Variants in PCDHB15 observed in about 807,000 individuals in gnomAD.
The protein encoded by PCDHB15 is protocadherin beta 15.
For synonymous variants in PCDHB15, 492 were observed against 447.9 expected (o/e 1.10, Z -1.24); for missense variants, 1,032 against 991.7 (o/e 1.04, Z -0.55).
rs782778545 is a variant in PCDHB15 at position 141,247,285 on chromosome 5, C to T, written c.1707C>T (p.Ser569=). 3.7e-6 allele frequency: 6 copies of T among 1,610,292 alleles called. No homozygotes were observed. In the South Asian group the frequency reaches 6.6e-5, roughly 18 times the overall value. ...TGCTGTACCCGCTGCAGAACGGCTC[C>T]GCGCCCTGCACCGAGCTGGTGCCCC... is the stretch of plus-strand genomic sequence containing the variant. ...PFVLYPLQNG[S]APCTELVPRA... Residue 569 remains serine (S), a synonymous_variant, in exon 1 of 1, where the codon TCC becomes TCT. Coordinates refer to ENST00000231173, the MANE Select transcript of PCDHB15 (RefSeq NM_018935.4).
rs138940075 is a variant in PCDHB15, at chr5:141,246,079, T to C, written c.501T>C (p.Val167=). 1 of 1,614,006 alleles carries C rather than the reference T, an allele frequency of 6.2e-7. No homozygotes were observed. The highest frequency in any genetic ancestry group is 1.3e-5 in the African/African-American group (1 of 74,932). The change falls in exon 1 of 1, where the codon GTT becomes GTC. Residue 167 remains valine (V), a synonymous_variant. Coordinates refer to ENST00000231173, the MANE Select transcript of PCDHB15 (RefSeq NM_018935.4). ...ACTTGGACGTGGGCAGCAATAATGTTCAAAACTACAATATTTCTCCCAATT... is the reference window on the plus strand; with the variant it reads ...ACTTGGACGTGGGCAGCAATAATGTCCAAAACTACAATATTTCTCCCAATT... ...ARDLDVGSNN[V]QNYNISPNSH...
At position 141,246,961 on chromosome 5, in the gene PCDHB15, C is replaced by A. The variant is rs17844564; in HGVS notation, c.1383C>A (p.Arg461=). 9.3e-6 allele frequency: 15 copies of A among 1,613,086 alleles called. No individual in the cohort carries two copies. The African/African-American group carries it at 1.9e-4, about 20-fold the overall frequency. Residue 461 remains arginine, a synonymous_variant, in exon 1 of 1, where the codon CGC becomes CGA. Transcript: ENST00000231173. ...AAACCTCCTACACCCTGTTCGTCCG[C>A]GAGAACAACAGCCCCGCCCTGCACA... ...FTQTSYTLFV[R]ENNSPALHIG...
chr5:141,247,063 C>T lies in PCDHB15; in HGVS notation c.1485C>T (p.Asp495=), dbSNP rs137977105. 3.2e-4 allele frequency: 511 copies of T among 1,613,922 alleles called. No homozygotes were observed. The African/African-American group carries it at 6.0e-3, about 19-fold the overall frequency. ...QVTYSLLPPR[D]PHLPLTSLVS... ...CCTACTCGCTGCTGCCGCCCCGGGA[C>T]CCGCACCTGCCCCTCACCTCCCTGG... Residue 495 remains aspartate, a synonymous_variant, in exon 1 of 1, where the codon GAC becomes GAT. Transcript: ENST00000231173.
rs1755323345 is a variant in PCDHB15, at chr5:141,247,950, A to G, written c.*8A>G. Reference sequence around the variant, plus strand: ...TCAGAATTTCTAGAATAATGTAGGTATCTGTAGCTTTCCGACCGTCTGTTA... The same window carrying G: ...TCAGAATTTCTAGAATAATGTAGGTGTCTGTAGCTTTCCGACCGTCTGTTA... On this transcript the variant is annotated 3_prime_UTR_variant, in exon 1 of 1. Coordinates refer to ENST00000231173, the MANE Select transcript of PCDHB15 (RefSeq NM_018935.4). 2 of 1,567,636 alleles carry G rather than the reference A, an allele frequency of 1.3e-6. No individual in the cohort carries two copies. Among genetic ancestry groups the G allele is most frequent in the African/African-American group, 2.7e-5 (2 of 73,174 alleles).
In PCDHB15 at chr5:141,248,590, A is replaced by G. The variant is rs1554292467; in HGVS notation, c.*648A>G. 2 of 152,228 alleles carry G rather than the reference A, an allele frequency of 1.3e-5. No individual in the cohort carries two copies. Among genetic ancestry groups the G allele is most frequent in the South Asian group, 2.1e-4 (1 of 4,828 alleles). The allele number at this position is 152,228 out of a possible 1,614,324, so 9.4% of individuals were successfully genotyped here. A position where few individuals can be genotyped will look rare whatever the true frequency, so the allele number is the denominator to read the frequency against. On this transcript the variant is annotated 3_prime_UTR_variant, in exon 1 of 1. Coordinates refer to ENST00000231173, the MANE Select transcript of PCDHB15 (RefSeq NM_018935.4). ...GACTAATGGGTTCTTCCTTATCTCT[A>G]TCTAATGTTATGATCCTATTGGGGG...
In PCDHB15 at chr5:141,247,198, G is replaced by T. The variant is rs1434090370; in HGVS notation, c.1620G>T (p.Ala540=). ...RVGATDRGFP[A]LSSEALVRVL... ...GCGCCACAGACCGCGGCTTCCCGGC[G>T]CTGAGCAGCGAGGCGCTGGTGCGAG... The change falls in exon 1 of 1, where the codon GCG becomes GCT. Residue 540 remains alanine (A), a synonymous_variant. Transcript: ENST00000231173. The T allele has an allele frequency of 1.1e-5, 17 of 1,612,576 alleles. No individual in the cohort carries two copies. The African/African-American group carries it at 2.1e-4, about 20-fold the overall frequency.
rs782282981 is a variant in PCDHB15, at chr5:141,246,266, A to T, written c.688A>T (p.Ile230Phe). 2 of 1,614,010 alleles carry T rather than the reference A, an allele frequency of 1.2e-6. No homozygotes were observed. Among genetic ancestry groups the T allele is most frequent in the Non-Finnish European group, 1.7e-6 (2 of 1,180,024 alleles). Residue 230 changes from isoleucine (I) to phenylalanine (F), a missense_variant, in exon 1 of 1, where the codon ATC (isoleucine) becomes TTC (phenylalanine). Physicochemically the swap from Ile to Phe is conservative, Grantham distance 21. Coordinates refer to ENST00000231173, the MANE Select transcript of PCDHB15 (RefSeq NM_018935.4). ...CCGATCTGGCACCGTCCAGATCCTC[A>T]TCTTGGTCTTGGACGCCAATGACAA... ...PPRSGTVQIL[I>F]LVLDANDNAP...
In PCDHB15 at chr5:141,246,491, A is replaced by G. The variant is rs1554291935; in HGVS notation, c.913A>G (p.Lys305Glu). ...SSLSGEIRLI[K>E]KLDFETMSSY... The stretch of plus-strand genomic sequence containing the variant: ...CCTTTCAGGAGAAATTCGACTAATT[A>G]AAAAACTAGATTTTGAGACAATGTC... The change falls in exon 1 of 1, where the codon AAA (lysine) becomes GAA (glutamate). Residue 305 changes from lysine (K) to glutamate (E), a missense_variant. Lys to Glu is a moderately conservative substitution (Grantham distance 56). Coordinates refer to ENST00000231173, the MANE Select transcript of PCDHB15 (RefSeq NM_018935.4). The G allele has an allele frequency of 1.9e-6, 3 of 1,614,166 alleles. No individual in the cohort carries two copies. The highest frequency in any genetic ancestry group is 8.5e-7 in the Non-Finnish European group (1 of 1,180,018).
chr5:141,245,625 T>C lies in PCDHB15; in HGVS notation c.47T>C (p.Ile16Thr). ...TTTCCCGAACAAAGGCAAGTCCTGA[T>C]TCTCCTTCTTTTACTGGAAGTGACT... The part of the protein sequence containing the change: ...ERFPEQRQVL[I>T]LLLLLEVTLA... Residue 16 changes from isoleucine to threonine, a missense_variant, in exon 1 of 1, where the codon ATT becomes ACT. Physicochemically the swap from Ile to Thr is moderately conservative, Grantham distance 89. Transcript: ENST00000231173. 1 of 1,614,226 alleles carries C rather than the reference T, an allele frequency of 6.2e-7. No individual in the cohort carries two copies. Among genetic ancestry groups the C allele is most frequent in the Non-Finnish European group, 8.5e-7 (1 of 1,180,034 alleles).
chr5:141,247,841 C>G lies in PCDHB15; in HGVS notation c.2263C>G (p.Leu755Val). 6.2e-7 allele frequency: 1 copy of G among 1,614,244 alleles called. No individual in the cohort carries two copies. The highest frequency in any genetic ancestry group is 8.5e-7 in the Non-Finnish European group (1 of 1,180,034). ...CCAGAGCTACCAGTACGAGGTGTGT[C>G]TGACGGGAGGCTCTGAAAGTAATGA... ...LSQSYQYEVCLTGGSESNDFK... is the reference protein window; with the variant it reads ...LSQSYQYEVCVTGGSESNDFK... The change falls in exon 1 of 1, where the codon CTG (leucine) becomes GTG (valine). Residue 755 changes from leucine (L) to valine (V), a missense_variant. Coordinates refer to ENST00000231173, the MANE Select transcript of PCDHB15 (RefSeq NM_018935.4).
chr5:141,247,548 C>A lies in PCDHB15; in HGVS notation c.1970C>A (p.Thr657Lys), dbSNP rs1755307988. The A allele has an allele frequency of 1.2e-6, 2 of 1,609,000 alleles. No homozygotes were observed. Among genetic ancestry groups the A allele is most frequent in the Non-Finnish European group, 1.7e-6 (2 of 1,179,772 alleles). The change falls in exon 1 of 1, where the codon ACG (threonine) becomes AAG (lysine). Residue 657 changes from threonine (T) to lysine (K), a missense_variant. Thr to Lys is a moderately conservative substitution (Grantham distance 78). Coordinates refer to ENST00000231173, the MANE Select transcript of PCDHB15 (RefSeq NM_018935.4). ...GAGCCTCCGCGCTCGGCCACCGCCA[C>A]GCTGCAAGTGCTCCTGGTGGACGGC... The part of the protein sequence containing the change: ...NGEPPRSATA[T>K]LQVLLVDGFS...
rs782490140 is a variant in PCDHB15 at position 141,246,801 on chromosome 5, C to T, written c.1223C>T (p.Ala408Val). The change falls in exon 1 of 1, where the codon GCG becomes GTG. Residue 408 changes from alanine (A) to valine (V), a missense_variant. Physicochemically the swap from Ala to Val is moderately conservative, Grantham distance 64. Coordinates refer to ENST00000231173, the MANE Select transcript of PCDHB15 (RefSeq NM_018935.4). ...TTCTACAGGCTGGTAACAGAAGGGG[C>T]GCTGGACAGAGAGACCAGAGCCGAG... Reference protein sequence around the residue: ...ENFYRLVTEGALDRETRAEYN... With the variant: ...ENFYRLVTEGVLDRETRAEYN... 4.3e-6 allele frequency: 7 copies of T among 1,613,980 alleles called. No homozygotes were observed. The African/African-American group carries it at 5.3e-5, about 12-fold the overall frequency.
rs150604901 is a variant in PCDHB15, at chr5:141,247,183, C to T, written c.1605C>T (p.Asp535=). 8.1e-6 allele frequency: 13 copies of T among 1,613,020 alleles called. No homozygotes were observed. The African/African-American group carries it at 1.5e-4, about 18-fold the overall frequency. Residue 535 remains aspartate (D), a synonymous_variant, in exon 1 of 1, where the codon GAC becomes GAT. Coordinates refer to ENST00000231173, the MANE Select transcript of PCDHB15 (RefSeq NM_018935.4). ...QAFEFRVGAT[D]RGFPALSSEA... ...TCGAGTTCCGCGTGGGCGCCACAGA[C>T]CGCGGCTTCCCGGCGCTGAGCAGCG... is the stretch of plus-strand genomic sequence containing the variant.
At position 141,247,323 on chromosome 5, in the gene PCDHB15, C is replaced by T. The variant is rs782617758; in HGVS notation, c.1745C>T (p.Pro582Leu). The stretch of plus-strand genomic sequence containing the variant: ...GAGCTGGTGCCCCGGGCGGCCGAGC[C>T]GGGCTACCTGGTGACCAAGGTGGTG... ...CTELVPRAAE[P>L]GYLVTKVVAV... is the part of the protein sequence containing the mutation. Residue 582 changes from proline (P) to leucine (L), a missense_variant, in exon 1 of 1, where the codon CCG (proline) becomes CTG (leucine). Transcript: ENST00000231173. The T allele has an allele frequency of 1.7e-5, 27 of 1,607,590 alleles. No homozygotes were observed. The South Asian group carries it at 2.8e-4, about 16-fold the overall frequency.
Position 141,247,069 on chromosome 5 carries a change from C to A in PCDHB15, c.1491C>A (p.His497Gln). 1 of 1,613,964 alleles carries A rather than the reference C, an allele frequency of 6.2e-7. No individual in the cohort carries two copies. Among genetic ancestry groups the A allele is most frequent in the South Asian group, 1.1e-5 (1 of 91,070 alleles). ...TYSLLPPRDP[H>Q]LPLTSLVSIN... ...CGCTGCTGCCGCCCCGGGACCCGCA[C>A]CTGCCCCTCACCTCCCTGGTCTCCA... The change falls in exon 1 of 1, where the codon CAC (histidine) becomes CAA (glutamine). Residue 497 changes from histidine (H) to glutamine (Q), a missense_variant. Physicochemically the swap from His to Gln is conservative, Grantham distance 24. Coordinates refer to ENST00000231173, the MANE Select transcript of PCDHB15 (RefSeq NM_018935.4).
In PCDHB15 at chr5:141,247,393, G is replaced by C. The variant is rs1554292209; in HGVS notation, c.1815G>C (p.Gln605His). 1 of 1,605,080 alleles carries C rather than the reference G, an allele frequency of 6.2e-7. No individual in the cohort carries two copies. Among genetic ancestry groups the C allele is most frequent in the South Asian group, 1.1e-5 (1 of 90,892 alleles). ...DSGQNAWLSY[Q>H]LLKATEPGLF... ...GCCAGAACGCCTGGCTGTCGTACCAGCTGCTCAAGGCCACGGAGCCCGGGC... is the reference window on the plus strand; with the variant it reads ...GCCAGAACGCCTGGCTGTCGTACCACCTGCTCAAGGCCACGGAGCCCGGGC... The change falls in exon 1 of 1, where the codon CAG becomes CAC. Residue 605 changes from glutamine to histidine, a missense_variant. Gln to His is a conservative substitution (Grantham distance 24). Coordinates refer to ENST00000231173, the MANE Select transcript of PCDHB15 (RefSeq NM_018935.4).
rs781792705 is a variant in PCDHB15, at chr5:141,246,859, G to T, written c.1281G>T (p.Gly427=). Residue 427 remains glycine (G), a synonymous_variant, in exon 1 of 1, where the codon GGG becomes GGT. Coordinates refer to ENST00000231173, the MANE Select transcript of PCDHB15 (RefSeq NM_018935.4). ...YNITITITDL[G]TPRLKTEQSI... is the part of the protein sequence containing the mutation. The stretch of plus-strand genomic sequence containing the variant: ...TCACCATCACCATCACAGACTTGGG[G>T]ACTCCAAGGCTGAAAACCGAGCAGA... 11 of 1,614,022 alleles carry T rather than the reference G, an allele frequency of 6.8e-6. No homozygotes were observed. The East Asian group carries it at 2.5e-4, about 36-fold the overall frequency.
In PCDHB15 at chr5:141,246,797, G is replaced by A. The variant is rs1755274703; in HGVS notation, c.1219G>A (p.Gly407Arg). ...VENFYRLVTE[G>R]ALDRETRAEY... ...GAATTTCTACAGGCTGGTAACAGAA[G>A]GGGCGCTGGACAGAGAGACCAGAGC... is the stretch of plus-strand genomic sequence containing the variant. Residue 407 changes from glycine (G) to arginine (R), a missense_variant, in exon 1 of 1, where the codon GGG (glycine) becomes AGG (arginine). Coordinates refer to ENST00000231173, the MANE Select transcript of PCDHB15 (RefSeq NM_018935.4). 6.2e-7 allele frequency: 1 copy of A among 1,614,014 alleles called. No individual in the cohort carries two copies. The highest frequency in any genetic ancestry group is 1.3e-5 in the African/African-American group (1 of 74,906).
In PCDHB15 at chr5:141,247,075, C is replaced by T; in HGVS notation, c.1497C>T (p.Pro499=). 1.2e-6 allele frequency: 2 copies of T among 1,613,986 alleles called. No individual in the cohort carries two copies. Among genetic ancestry groups the T allele is most frequent in the Admixed American group, 3.3e-5 (2 of 60,026 alleles). Residue 499 remains proline, a synonymous_variant, in exon 1 of 1, where the codon CCC becomes CCT. Coordinates refer to ENST00000231173, the MANE Select transcript of PCDHB15 (RefSeq NM_018935.4). Reference sequence around the variant, plus strand: ...TGCCGCCCCGGGACCCGCACCTGCCCCTCACCTCCCTGGTCTCCATTAACA... The same window carrying T: ...TGCCGCCCCGGGACCCGCACCTGCCTCTCACCTCCCTGGTCTCCATTAACA... ...SLLPPRDPHL[P]LTSLVSINTD...
Sources: gnomAD v4.1 joint callset for allele counts on GRCh38, gnomAD v4.1.1 for gene constraint, MANE v1.5 for transcripts, NCBI Gene and HGNC (gene_info 2026-07-23, HGNC 2026-07-21) for gene names.